The following NLGN1 variants were observed in gnomAD, a reference collection of about 807,000 sequenced individuals.
NLGN1 encodes neuroligin-1.
Under a neutral mutation model 65.5 loss-of-function variants are expected in NLGN1, and 12 were observed. The observed-to-expected ratio is 0.18, with a 90% confidence interval of 0.12 to 0.30. The LOEUF (loss-of-function observed/expected upper bound fraction) is 0.30. Ranked by LOEUF, NLGN1 falls within the 10% of genes least tolerant of loss-of-function variation. The pLI, the probability that NLGN1 is intolerant of heterozygous loss-of-function variation, is 1.00. For missense variants in NLGN1, 750 were observed against 1,007.1 expected, an observed-to-expected ratio of 0.74 and a Z score of 3.46; for synonymous variants, 350 against 359.5, an observed-to-expected ratio of 0.97 and a Z score of 0.30.
intron 1 of NLGN1, among the ~76,000 whole-genome samples, chr3:173,420,780 C>A (rs572459276): frequency 6.6e-6 from 1 of 152,158 alleles, no homozygotes; most frequent in Non-Finnish European, 1.5e-5. Flanking sequence ...AAGATTGTAC[C>A]CTAAAAATGA....
intron 1 of NLGN1, among the ~76,000 whole-genome samples, chr3:173,406,065 A>G (rs985236512): frequency 3.9e-5 from 6 of 152,112 alleles, no homozygotes; most frequent in Admixed American, 3.9e-4. Flanking sequence ...TAGCTTTAAT[A>G]TTTTACATGT....
chr3:174,148,589 C>T (rs1723773693), intron 4 of NLGN1, among the ~76,000 whole-genome samples: 1 of 152,108 alleles, frequency 6.6e-6, no homozygotes, highest in South Asian at 2.1e-4. Context: ...TTAATCGTCT[C>T]CTCCTAATTA....
intron 4 of NLGN1, among the ~76,000 whole-genome samples, chr3:174,084,678 T>G (rs540466083): frequency 1.3e-5 from 2 of 152,172 alleles, no homozygotes; most frequent in South Asian, 4.1e-4. Flanking sequence ...ACCTAATAAC[T>G]TCTCTGAGAA....
intron 4 of NLGN1, among the ~76,000 whole-genome samples, chr3:173,912,343 G>T (rs1422740920): frequency 6.6e-6 from 1 of 152,138 alleles, no homozygotes; most frequent in Non-Finnish European, 1.5e-5. Flanking sequence ...AGAGGAGAAA[G>T]AATGAGATTT....
At chr3:174,241,815 C>T (rs149976599) in intron 4 of NLGN1, among the ~76,000 whole-genome samples, 4,999 of 152,078 alleles carry the variant, frequency 0.033, 174 homozygotes, top group South Asian at 0.15. Context: ...CCCGCCACCA[C>T]GCCTGGATAA....
chr3:174,286,806 C>T (rs976002104), downstream of NLGN1, among the ~76,000 whole-genome samples: 2 of 151,358 alleles, frequency 1.3e-5, no homozygotes, highest in African/African-American at 4.8e-5. Context: ...ATCTTTTCAC[C>T]TCTTGGTGAA....
At chr3:173,962,160 A>ATATTTT (rs1482747993) in intron 4 of NLGN1, among the ~76,000 whole-genome samples, 9 of 152,230 alleles carry the variant, frequency 5.9e-5, no homozygotes, top group Non-Finnish European at 7.4e-5. Context: ...TGAAATATAT[A>ATATTTT]TATTTTTAGT....
chr3:174,230,027 G>A (rs919634598), intron 4 of NLGN1, among the ~76,000 whole-genome samples: 2 of 152,050 alleles, frequency 1.3e-5, no homozygotes, highest in Non-Finnish European at 2.9e-5. Flanking sequence ...CCATTTCATT[G>A]TAGTCTTCAG....
chr3:173,572,909 A>T (rs1407632021), intron 2 of NLGN1, among the ~76,000 whole-genome samples: 1 of 152,140 alleles, frequency 6.6e-6, no homozygotes, highest in Non-Finnish European at 1.5e-5. Context: ...TCATCCTCTG[A>T]GTAATAACTT....
chr3:173,470,003 A>G lies in NLGN1; in HGVS notation c.-321+34925A>G, dbSNP rs145441767. 3.7e-3 allele frequency among the ~76,000 whole-genome samples: 553 copies of G among 151,480 alleles called. 5 individuals carry two copies. The highest frequency in any genetic ancestry group is 0.013 in the African/African-American group (538 of 41,408). Reference sequence around the variant, plus strand: ...ATATATGATTATATATATATGTATAATTATTTTCTGAAGCATTTGAGGGTG... The same window carrying G: ...ATATATGATTATATATATATGTATAGTTATTTTCTGAAGCATTTGAGGGTG... On this transcript the variant is annotated intron_variant, in intron 2 of 6. Coordinates refer to ENST00000457714, the Ensembl canonical transcript of NLGN1.
Position 173,593,483 on chromosome 3 carries a change from G to T in NLGN1, c.-320-10796G>T, listed in dbSNP as rs191656759. Among the ~76,000 whole-genome samples the T allele has an allele frequency of 3.2e-4, 49 of 152,320 alleles. No individual in the cohort carries two copies. In the East Asian group the frequency reaches 8.9e-3, roughly 28 times the overall value. On this transcript the variant is annotated intron_variant, in intron 2 of 6. Transcript: ENST00000457714. ...ACAAATTACTGTGGAAAAAAGTACT[G>T]TGTGTTTAGTTGCAAAAAATGTAAT...
At chr3:173,759,593 A>C (rs1777655457) in intron 3 of NLGN1, among the ~76,000 whole-genome samples, 1 of 151,928 alleles carries the variant, frequency 6.6e-6, no homozygotes, top group Admixed American at 6.6e-5. Flanking sequence ...TTGCAATGCT[A>C]TTGGCCACGT....
chr3:173,553,487 A>G (rs1007992740), intron 2 of NLGN1, among the ~76,000 whole-genome samples: 3 of 152,274 alleles, frequency 2.0e-5, no homozygotes, highest in East Asian at 1.9e-4. Flanking sequence ...AATGAAATCT[A>G]TTTATCTCCT....
At chr3:174,055,052 A>G (rs1385011116) in intron 4 of NLGN1, among the ~76,000 whole-genome samples, 10 of 151,516 alleles carry the variant, frequency 6.6e-5, no homozygotes, top group Non-Finnish European at 2.9e-5. Context: ...ACAAAACTCT[A>G]TTACTATGCT....
chr3:173,466,817 T>G (rs1194475722), intron 2 of NLGN1, among the ~76,000 whole-genome samples: 4 of 152,148 alleles, frequency 2.6e-5, no homozygotes, highest in Non-Finnish European at 5.9e-5. Context: ...TACACCTCAC[T>G]TACCTAACGT....
Position 173,493,166 on chromosome 3 carries a change from G to A in NLGN1, c.-321+58088G>A, listed in dbSNP as rs567560002. Among the ~76,000 whole-genome samples, 9 of 151,710 alleles carry A rather than the reference G, an allele frequency of 5.9e-5. 1 individual carries two copies. Among genetic ancestry groups the A allele is most frequent in the African/African-American group, 9.7e-5 (4 of 41,166 alleles). ...GTATTATCAACTTCATTTTACAAACGAAGAAATTGAAGTTCAGCAACATTA... is the reference window on the plus strand; with the variant it reads ...GTATTATCAACTTCATTTTACAAACAAAGAAATTGAAGTTCAGCAACATTA... On this transcript the variant is annotated intron_variant, in intron 2 of 6. Transcript: ENST00000457714.
Position 173,426,315 on chromosome 3 carries a change from C to CT in NLGN1, c.-389-8687dup, listed in dbSNP as rs530438140. On this transcript the variant is annotated intron_variant, in intron 1 of 6. Coordinates refer to ENST00000457714, the Ensembl canonical transcript of NLGN1. ...ACTTCTTCCTTTTTCATTTGCATGC[C>CT]TTTTTTTTCCTTTCTGTTACCTAAT... 5.2e-3 allele frequency among the ~76,000 whole-genome samples: 783 copies of CT among 151,750 alleles called. 7 individuals carry two copies. Among genetic ancestry groups the CT allele is most frequent in the Non-Finnish European group, 6.6e-3 (449 of 67,816 alleles).
chr3:173,455,722 A>G (rs1722402610), intron 2 of NLGN1, among the ~76,000 whole-genome samples: 1 of 152,116 alleles, frequency 6.6e-6, no homozygotes, highest in Non-Finnish European at 1.5e-5. Context: ...ATATGTGTGT[A>G]TATATATGTG....
At chr3:173,602,967 A>G (rs978978335) in intron 2 of NLGN1, among the ~76,000 whole-genome samples, 2 of 152,078 alleles carry the variant, frequency 1.3e-5, no homozygotes, top group Non-Finnish European at 2.9e-5. Context: ...AGACTAAAGT[A>G]TTTTCAAGGA....
Sources: gnomAD v4.1 joint callset for allele counts (sites outside exome capture counted in the v4.1 genomes callset) on GRCh38, gnomAD v4.1.1 for gene constraint, MANE v1.5 for transcripts, NCBI Gene and HGNC (gene_info 2026-07-23, HGNC 2026-07-21) for gene names.